PRKCE: variants seen among roughly 807,000 people sequenced by gnomAD.
The protein encoded by PRKCE is protein kinase C epsilon.
Under a neutral mutation model 85.4 loss-of-function variants are expected in PRKCE, and 16 were observed. The ratio of observed to expected loss-of-function variants is 0.19; its 90% CI spans 0.13 to 0.28. The LOEUF (loss-of-function observed/expected upper bound fraction) is 0.28, where lower values mean the gene tolerates loss of function less well. Among genes scored for constraint, PRKCE ranks in the 10% least tolerant of loss-of-function variants. The pLI is 1.00. For synonymous variants in PRKCE, 388 were observed against 371.5 expected, an observed-to-expected ratio of 1.04 and a Z score of -0.51; for missense variants, 573 against 975.2, an observed-to-expected ratio of 0.59 and a Z score of 5.49.
intron 11 of PRKCE, among the ~76,000 whole-genome samples, chr2:46,088,656 C>T (rs560254966): frequency 6.6e-6 from 1 of 152,274 alleles, no homozygotes; most frequent in East Asian, 1.9e-4. Context: ...AATCCCTATC[C>T]TCAAAGCAAT....
chr2:46,149,932 C>G (rs1676451576), intron 12 of PRKCE, among the ~76,000 whole-genome samples: 1 of 151,352 alleles, frequency 6.6e-6, no homozygotes, highest in Non-Finnish European at 1.5e-5. Flanking sequence ...TTATGACTCA[C>G]TACAGCCTCA....
chr2:45,846,530 T>G (rs74528667), intron 2 of PRKCE, among the ~76,000 whole-genome samples: 1 of 152,284 alleles, frequency 6.6e-6, no homozygotes, highest in East Asian at 1.9e-4. Flanking sequence ...GGAATAGGAA[T>G]GATTTTTGCA....
chr2:45,941,197 A>G (rs2104214638), intron 2 of PRKCE, among the ~76,000 whole-genome samples: 1 of 152,234 alleles, frequency 6.6e-6, no homozygotes, highest in Admixed American at 6.5e-5. Flanking sequence ...AATCCCTTGA[A>G]GAAGCACTCA....
intron 2 of PRKCE, among the ~76,000 whole-genome samples, chr2:45,948,166 A>G (rs546252022): frequency 6.6e-5 from 10 of 152,326 alleles, no homozygotes; most frequent in South Asian, 6.2e-4. Flanking sequence ...TTCAAATTCA[A>G]TGCACTGGGG....
intron 12 of PRKCE, among the ~76,000 whole-genome samples, chr2:46,147,938 C>A (rs1676246661): frequency 6.6e-6 from 1 of 152,200 alleles, no homozygotes; most frequent in Non-Finnish European, 1.5e-5. Context: ...TAACTCCTTC[C>A]CTACCTACCT....
chr2:45,826,018 C>T (rs888136444), intron 1 of PRKCE, among the ~76,000 whole-genome samples: 1 of 152,094 alleles, frequency 6.6e-6, no homozygotes, highest in African/African-American at 2.4e-5. Context: ...TTTTATAAGT[C>T]ATGTGTCTGT....
chr2:45,950,936 C>G (rs567327462), intron 2 of PRKCE, among the ~76,000 whole-genome samples: 9 of 152,182 alleles, frequency 5.9e-5, no homozygotes, highest in African/African-American at 2.2e-4. Context: ...TTATCTCTGC[C>G]CACTTGGTGG....
At chr2:45,983,843 C>A (rs1465565363) in intron 5 of PRKCE, among the ~76,000 whole-genome samples, 1 of 152,084 alleles carries the variant, frequency 6.6e-6, no homozygotes, top group Non-Finnish European at 1.5e-5. Context: ...AGAGTTTACA[C>A]GCTGCTGCAC....
chr2:45,797,009 A>G (rs1371018173), intron 1 of PRKCE, among the ~76,000 whole-genome samples: 1 of 152,176 alleles, frequency 6.6e-6, no homozygotes, highest in Non-Finnish European at 1.5e-5. Flanking sequence ...TTTACTATTT[A>G]TTTGAGACAC....
intron 14 of PRKCE, among the ~76,000 whole-genome samples, chr2:46,170,389 A>G (rs538513216): frequency 1.1e-3 from 167 of 152,332 alleles, no homozygotes; most frequent in African/African-American, 3.8e-3. Context: ...TTCCAAACAT[A>G]TATAAAAGTA....
intron 10 of PRKCE, among the ~76,000 whole-genome samples, chr2:46,067,476 G>A (rs1160771212): frequency 6.6e-6 from 1 of 152,200 alleles, no homozygotes; most frequent in Non-Finnish European, 1.5e-5. Flanking sequence ...CTGTGGCCTG[G>A]CCTTTGCTCC....
chr2:45,720,829 C>G (rs1680556133), intron 1 of PRKCE, among the ~76,000 whole-genome samples: 1 of 152,092 alleles, frequency 6.6e-6, no homozygotes, highest in African/African-American at 2.4e-5. Flanking sequence ...CCTGAGCTGG[C>G]CAGGCACAGT....
intron 11 of PRKCE, among the ~76,000 whole-genome samples, chr2:46,126,901 T>C (rs1673919373): frequency 6.6e-6 from 1 of 152,242 alleles, no homozygotes. Context: ...AAAGACCCAC[T>C]TCAGCGGTTT....
rs182985797 is a variant in PRKCE, at chr2:45,871,936, C to T, written c.412+28873C>T. 7.9e-5 allele frequency among the ~76,000 whole-genome samples: 12 copies of T among 152,208 alleles called. No individual in the cohort carries two copies. In the East Asian group the frequency reaches 2.1e-3, roughly 27 times the overall value. On this transcript the variant is annotated intron_variant, in intron 2 of 14. Coordinates refer to ENST00000306156, the MANE Select transcript of PRKCE (RefSeq NM_005400.3). ...GAGCAGCTAGAGCAGAACTCCTGTC[C>T]CCATTCCACAAGTATACTGAGGACG...
intron 1 of PRKCE, among the ~76,000 whole-genome samples, chr2:45,836,125 C>T (rs1690855631): frequency 6.6e-6 from 1 of 152,214 alleles, no homozygotes; most frequent in Non-Finnish European, 1.5e-5. Context: ...TAAGGCCATG[C>T]ATTCAATAAG....
At chr2:46,108,351 T>C (rs1671940645) in intron 11 of PRKCE, among the ~76,000 whole-genome samples, 1 of 152,248 alleles carries the variant, frequency 6.6e-6, no homozygotes, top group African/African-American at 2.4e-5. Flanking sequence ...TCATATCTTT[T>C]GCAGTAACAC....
intron 1 of PRKCE, among the ~76,000 whole-genome samples, chr2:45,807,471 G>T (rs937739615): frequency 1.3e-5 from 2 of 152,230 alleles, no homozygotes; most frequent in African/African-American, 2.4e-5. Flanking sequence ...CTAGTGGTTG[G>T]TGTCTCCTAA....
At chr2:45,880,385 G>A (rs1032986801) in intron 2 of PRKCE, among the ~76,000 whole-genome samples, 3 of 152,142 alleles carry the variant, frequency 2.0e-5, no homozygotes, top group African/African-American at 7.2e-5. Flanking sequence ...TTGGATAAAT[G>A]CCCATTAGTA....
At chr2:45,654,677 A>G (rs568345018) in intron 1 of PRKCE, among the ~76,000 whole-genome samples, 349 of 152,292 alleles carry the variant, frequency 2.3e-3, no homozygotes, top group Middle Eastern at 0.01. Context: ...CAGGTATTGG[A>G]CAAACTAAAA....
Sources: allele counts gnomAD v4.1 joint callset (sites outside exome capture counted in the v4.1 genomes callset), GRCh38; gene constraint gnomAD v4.1.1; transcripts MANE v1.5; gene names NCBI Gene and HGNC (gene_info 2026-07-23, HGNC 2026-07-21).